TTN: variants seen among roughly 807,000 people sequenced by gnomAD.
The protein encoded by TTN is titin, also known as connectin.
Under a neutral mutation model 3,223.0 loss-of-function variants are expected in TTN, and 1,525 were observed. The observed-to-expected ratio is 0.47, with a 90% CI of 0.45 to 0.49. The LOEUF (loss-of-function observed/expected upper bound fraction) is 0.49. Ranked by LOEUF, TTN falls within the 20% of genes least tolerant of loss-of-function variation. The pLI is 0.00. For missense variants in TTN, 40,786 were observed against 43,424.0 expected, an observed-to-expected ratio of 0.94 and a Z score of 5.40; for synonymous variants, 14,094 against 15,161.0, an observed-to-expected ratio of 0.93 and a Z score of 5.17.
Position 178,729,451 on chromosome 2 carries a change from A to G in TTN, c.18705T>C (p.Asn6235=), listed in dbSNP as rs766055257. Residue 6235 remains asparagine (N), a synonymous_variant, in exon 64 of 363, where the codon AAT becomes AAC. Transcript: ENST00000589042. ...TPPFEVTWLK[N]NREIRSSKKY... ...TTTTGCTGCTTCGAATTTCCCTGTTATTCTTCAGCCAAGTGACTTCAAACG... is the reference window on the plus strand; with the variant it reads ...TTTTGCTGCTTCGAATTTCCCTGTTGTTCTTCAGCCAAGTGACTTCAAACG... The G allele has an allele frequency of 1.2e-6, 2 of 1,613,556 alleles. No individual in the cohort carries two copies. Among genetic ancestry groups the G allele is most frequent in the African/African-American group, 1.3e-5 (1 of 74,984 alleles).
At chr2:178,682,628 T>C in intron 135 of TTN, 69 bp downstream of exon 135, 1 of 1,355,492 alleles carries the variant, frequency 7.4e-7, no homozygotes, top group Non-Finnish European at 9.9e-7. Flanking sequence ...TGTTATGATT[T>C]ATCTTGTTTT....
chr2:178,748,932 T>A (rs1382664470), intron 47 of TTN: 1 of 1,612,640 alleles, frequency 6.2e-7, no homozygotes. Flanking sequence ...TTGTCATCAA[T>A]CTTCTTTTGA....
intron 97 of TTN, 63 bp downstream of exon 97, chr2:178,710,999 C>T: frequency 6.5e-7 from 1 of 1,547,466 alleles, no homozygotes; most frequent in South Asian, 1.3e-5. Flanking sequence ...GAAATTTCTC[C>T]CTAAGTTCAT....
Position 178,550,962 on chromosome 2 carries a change from C to T in TTN, c.91564+5G>A, listed in dbSNP as rs758591518. Reference sequence around the variant, plus strand: ...TCTCATTGGAAATAAGTTGTAAATGCTTACCATTTTCATCTCTTGTCATAA... The same window carrying T: ...TCTCATTGGAAATAAGTTGTAAATGTTTACCATTTTCATCTCTTGTCATAA... On this transcript the variant is annotated splice_donor_5th_base_variant and intron_variant, in intron 336 of 362. Transcript: ENST00000589042. 6.2e-7 allele frequency: 1 copy of T among 1,611,142 alleles called. No homozygotes were observed. Among genetic ancestry groups the T allele is most frequent in the East Asian group, 2.2e-5 (1 of 44,734 alleles).
intron 127 of TTN, among the ~76,000 whole-genome samples, chr2:178,685,826 T>A (rs182724379): frequency 7.4e-4 from 113 of 152,270 alleles, no homozygotes; most frequent in African/African-American, 2.5e-3. Flanking sequence ...TTTTCAAATG[T>A]GTCATACAGA....
rs2154190939 is a variant in TTN at position 178,598,951 on chromosome 2, C to T, written c.56759G>A (p.Trp18920Ter). ...YDGGSPVTGY[W>*]LEMKDTTSKR... ...TGAAGTGGTGTCTTTCATTTCCAGC[C>T]AGTACCCTGTCACAGGAGAGCCTCC... The change falls in exon 291 of 363, where the codon TGG becomes TAG. Residue 18920 changes from tryptophan (W) to a stop codon, truncating the protein, a stop_gained. Transcript: ENST00000589042. LOFTEE classifies it high-confidence loss of function. 1 of 1,612,794 alleles carries T rather than the reference C, an allele frequency of 6.2e-7. No homozygotes were observed. Among genetic ancestry groups the T allele is most frequent in the Non-Finnish European group, 8.5e-7 (1 of 1,179,472 alleles).
rs767784967 is a variant in TTN, at chr2:178,664,922, G to A, written c.36048C>T (p.Pro12016=). 8 of 1,606,352 alleles carry A rather than the reference G, an allele frequency of 5.0e-6. No individual in the cohort carries two copies. In the African/African-American group the frequency reaches 5.3e-5, roughly 11 times the overall value. ...CAGGAATAATTTCTTGAGGAGCTTCGGGCGCTTGAAAGATATTAGCAATTC... is the reference window on the plus strand; with the variant it reads ...CAGGAATAATTTCTTGAGGAGCTTCAGGCGCTTGAAAGATATTAGCAATTC... The part of the protein sequence containing the change: ...EEPETPRMKT[P]EAPQEIIPAK... Residue 12016 remains proline (P), a synonymous_variant, in exon 166 of 363, where the codon CCC becomes CCT. Transcript: ENST00000589042.
In TTN at chr2:178,582,311, C is replaced by A. The variant is rs2047965308; in HGVS notation, c.66145G>T (p.Ala22049Ser). Residue 22049 changes from alanine (A) to serine (S), a missense_variant, in exon 314 of 363, where the codon GCC (alanine) becomes TCC (serine). Coordinates refer to ENST00000589042, the MANE Select transcript of TTN (RefSeq NM_001267550.2). ...ATGTTCCTACCATATGGGTTTTTGGCAATTGCTGGTTCAGTGAAGACTGGA... is the reference window on the plus strand; with the variant it reads ...ATGTTCCTACCATATGGGTTTTTGGAAATTGCTGGTTCAGTGAAGACTGGA... ...GDPVFTEPAI[A>S]KNPYDPPGRC... 3 of 1,584,910 alleles carry A rather than the reference C, an allele frequency of 1.9e-6. No individual in the cohort carries two copies. Among genetic ancestry groups the A allele is most frequent in the Non-Finnish European group, 2.6e-6 (3 of 1,168,840 alleles).
chr2:178,704,094 A>C (rs2075457476), intron 106 of TTN, 53 bp downstream of exon 106: 2 of 1,584,182 alleles, frequency 1.3e-6, no homozygotes, highest in Non-Finnish European at 1.7e-6. Flanking sequence ...CCTGCACAAC[A>C]TTTGCCATTG....
Position 178,534,433 on chromosome 2 carries a change from C to A in TTN, c.102182G>T (p.Arg34061Leu). The A allele has an allele frequency of 6.2e-7, 1 of 1,612,500 alleles. No individual in the cohort carries two copies. Among genetic ancestry groups the A allele is most frequent in the Non-Finnish European group, 8.5e-7 (1 of 1,179,812 alleles). Reference sequence around the variant, plus strand: ...CTGGAGAGCCTCCGATGCTGTCATGCGAGATTTCCTCTCTTTCACTAACAA... The same window carrying A: ...CTGGAGAGCCTCCGATGCTGTCATGAGAGATTTCCTCTCTTTCACTAACAA... ...DRLLVKERKS[R>L]MTASEALQHP... Residue 34061 changes from arginine (R) to leucine (L), a missense_variant, in exon 358 of 363, where the codon CGC becomes CTC. By Grantham distance (102) the Arg-to-Leu change is moderately radical. Transcript: ENST00000589042.
At position 178,719,404 on chromosome 2, in the gene TTN, C is replaced by G; in HGVS notation, c.23986G>C (p.Ala7996Pro). 1 of 1,613,398 alleles carries G rather than the reference C, an allele frequency of 6.2e-7. No individual in the cohort carries two copies. Among genetic ancestry groups the G allele is most frequent in the Non-Finnish European group, 8.5e-7 (1 of 1,179,456 alleles). Residue 7996 changes from alanine (A) to proline (P), a missense_variant, in exon 83 of 363, where the codon GCC (alanine) becomes CCC (proline). Ala to Pro is a conservative substitution (Grantham distance 27). Coordinates refer to ENST00000589042, the MANE Select transcript of TTN (RefSeq NM_001267550.2). ...SFIRKLKDVNAILGASVVLEC... is the reference protein window; with the variant it reads ...SFIRKLKDVNPILGASVVLEC... ...AAAACAACTGAGGCCCCCAGGATGG[C>G]ATTCACGTCTTTCAGCTTGCGGATG...
At chr2:178,698,980 A>G in intron 111 of TTN, 66 bp from the exon 112 acceptor site, 10 of 1,362,288 alleles carry the variant, frequency 7.3e-6, no homozygotes, top group Non-Finnish European at 9.8e-6. Context: ...AAATGCTTTC[A>G]GGAAACTAGG....
Position 178,768,849 on chromosome 2 carries a change from C to A in TTN, c.8987G>T (p.Gly2996Val), listed in dbSNP as rs779053650. The stretch of plus-strand genomic sequence containing the variant: ...ATTCTTTAACCATTTGTAAGAGATG[C>A]CTTCATAGTTCACTGTCACCTCAAA... Reference protein sequence around the residue: ...ITFEVTVNYEGISYKWLKNGV... With the variant: ...ITFEVTVNYEVISYKWLKNGV... Residue 2996 changes from glycine to valine, a missense_variant, in exon 38 of 363, where the codon GGC (glycine) becomes GTC (valine). Transcript: ENST00000589042. 3.1e-6 allele frequency: 5 copies of A among 1,613,938 alleles called. No homozygotes were observed. Among genetic ancestry groups the A allele is most frequent in the African/African-American group, 1.3e-5 (1 of 74,910 alleles).
Position 178,542,697 on chromosome 2 carries a change from C to G in TTN, c.97157G>C (p.Gly32386Ala), listed in dbSNP as rs750418991. 2.2e-5 allele frequency: 35 copies of G among 1,613,540 alleles called. 1 individual carries two copies. In the South Asian group the frequency reaches 3.8e-4, roughly 18 times the overall value. The change falls in exon 348 of 363, where the codon GGA becomes GCA. Residue 32386 changes from glycine (G) to alanine (A), a missense_variant. Physicochemically the swap from Gly to Ala is moderately conservative, Grantham distance 60 (BLOSUM62 0). Coordinates refer to ENST00000589042, the MANE Select transcript of TTN (RefSeq NM_001267550.2). ...EYTLELKNVTGTTSETIKVII... is the reference protein window; with the variant it reads ...EYTLELKNVTATTSETIKVII... ...AACTTTAATGGTTTCTGAAGTAGTTCCGGTAACATTCTTCAATTCAAGTGT... is the reference window on the plus strand; with the variant it reads ...AACTTTAATGGTTTCTGAAGTAGTTGCGGTAACATTCTTCAATTCAAGTGT...
At chr2:178,690,420 G>T (rs1475638282) in intron 121 of TTN, among the ~76,000 whole-genome samples, 1 of 152,142 alleles carries the variant, frequency 6.6e-6, no homozygotes, top group Admixed American at 6.6e-5. Context: ...AAACACTCTA[G>T]AGTAGGTCTC....
At chr2:178,706,159 T>C (rs1405636113) in intron 102 of TTN, among the ~76,000 whole-genome samples, 1 of 152,194 alleles carries the variant, frequency 6.6e-6, no homozygotes, top group Non-Finnish European at 1.5e-5. Flanking sequence ...TCCCTCTCTA[T>C]GCCTGGGAGA....
In TTN at chr2:178,583,834, T is replaced by C. The variant is rs1223104137; in HGVS notation, c.65348A>G (p.His21783Arg). 3 of 1,609,590 alleles carry C rather than the reference T, an allele frequency of 1.9e-6. No homozygotes were observed. The highest frequency in any genetic ancestry group is 1.3e-5 in the African/African-American group (1 of 74,828). Reference protein sequence around the residue: ...TVSLIWARPKHDGGSKIIGYF... With the variant: ...TVSLIWARPKRDGGSKIIGYF... ...GCCAATAATTTTACTGCCTCCATCA[T>C]GCTTTGGACGAGCCCAGATCAGAGA... The change falls in exon 312 of 363, where the codon CAT becomes CGT. Residue 21783 changes from histidine to arginine, a missense_variant. By Grantham distance (29) the His-to-Arg change is conservative. Transcript: ENST00000589042.
chr2:178,531,628 A>G lies in TTN; in HGVS notation c.104987T>C (p.Val34996Ala), dbSNP rs2154133672. The G allele has an allele frequency of 1.2e-6, 2 of 1,613,826 alleles. No homozygotes were observed. Among genetic ancestry groups the G allele is most frequent in the Non-Finnish European group, 1.7e-6 (2 of 1,179,840 alleles). ...ACAGTCCAGAATTTCCAGGGTGAGG[A>G]CTCCACTCGTGTTGGTGTAATGAAT... The part of the protein sequence containing the change: ...SKIHYTNTSG[V>A]LTLEILDCHT... The change falls in exon 358 of 363, where the codon GTC becomes GCC. Residue 34996 changes from valine to alanine, a missense_variant. By Grantham distance (64) the Val-to-Ala change is moderately conservative (BLOSUM62 0). Coordinates refer to ENST00000589042, the MANE Select transcript of TTN (RefSeq NM_001267550.2).
In TTN at chr2:178,610,388, G is replaced by T. The variant is rs375888723; in HGVS notation, c.51138C>A (p.Gly17046=). The T allele has an allele frequency of 1.9e-6, 3 of 1,606,070 alleles. No homozygotes were observed. The highest frequency in any genetic ancestry group is 2.5e-6 in the Non-Finnish European group (3 of 1,177,620). ...TAATATCTTTGCATGGTCCAGGTAG[G>T]CCTATTACAAAAATGGATAATTATT... The part of the protein sequence containing the change: ...ATASINVKVI[G]LPGPCKDIKA... Residue 17046 remains glycine (G), a splice_region_variant and synonymous_variant, in exon 271 of 363, where the codon GGC becomes GGA. Transcript: ENST00000589042.
Sources: gnomAD v4.1 joint callset for allele counts (sites outside exome capture counted in the v4.1 genomes callset) on GRCh38, gnomAD v4.1.1 for gene constraint, MANE v1.5 for transcripts, NCBI Gene and HGNC (gene_info 2026-07-23, HGNC 2026-07-21) for gene names.